IGSF21: variants seen among roughly 807,000 people sequenced by gnomAD.
The protein encoded by IGSF21 is immunoglobulin superfamily member 21.
IGSF21 carries 28 observed loss-of-function variants against 46.8 expected under a neutral mutation model. The ratio of observed to expected loss-of-function variants is 0.60; its 90% CI spans 0.44 to 0.82. The LOEUF (loss-of-function observed/expected upper bound fraction) is 0.82. Among genes scored for constraint, IGSF21 ranks in the 40% least tolerant of loss-of-function variants. The pLI is 0.00. For missense variants in IGSF21, 624 were observed against 665.5 expected (o/e 0.94, Z 0.69); for synonymous variants, 284 against 273.6 (o/e 1.04, Z -0.38).
At chr1:18,378,097 A>C (rs545174534) in intron 9 of IGSF21, among the ~76,000 whole-genome samples, 159 bp from the exon 10 acceptor site, 2 of 152,226 alleles carry the variant, frequency 1.3e-5, no homozygotes, top group South Asian at 4.1e-4. Context: ...AGGGGAGGAG[A>C]TCATGGACAG....
chr1:18,224,907 A>C (rs1024069250), intron 1 of IGSF21, among the ~76,000 whole-genome samples: 12 of 151,820 alleles, frequency 7.9e-5, no homozygotes, highest in Non-Finnish European at 1.5e-4. Flanking sequence ...TCTACTAAAA[A>C]TACAAAAATT....
At chr1:18,287,859 C>T (rs2085230669) in intron 2 of IGSF21, among the ~76,000 whole-genome samples, 1 of 152,220 alleles carries the variant, frequency 6.6e-6, no homozygotes, top group African/African-American at 2.4e-5. Context: ...GTGTGGGCTC[C>T]CTTCTTTCAT....
chr1:18,198,748 G>T (rs935964448), intron 1 of IGSF21, among the ~76,000 whole-genome samples: 1 of 152,174 alleles, frequency 6.6e-6, no homozygotes, highest in East Asian at 1.9e-4. Context: ...ACTGGGCTGG[G>T]TCATCCGATG....
At chr1:18,181,502 G>T (rs1228513164) in intron 1 of IGSF21, among the ~76,000 whole-genome samples, 1 of 152,172 alleles carries the variant, frequency 6.6e-6, no homozygotes, top group Non-Finnish European at 1.5e-5. Flanking sequence ...GCTTCTGGCA[G>T]GGAGCAGGGC....
At chr1:18,301,378 C>T (rs1316048917) in intron 3 of IGSF21, among the ~76,000 whole-genome samples, 2 of 152,334 alleles carry the variant, frequency 1.3e-5, no homozygotes, top group East Asian at 1.9e-4. Flanking sequence ...CTTGCTCTGT[C>T]GCCCAGGCTG....
chr1:18,249,261 G>A (rs1042748212), intron 2 of IGSF21, among the ~76,000 whole-genome samples: 1 of 152,158 alleles, frequency 6.6e-6, no homozygotes, highest in Non-Finnish European at 1.5e-5. Context: ...TTAGGGGAGG[G>A]TGGGAGGTGT....
At chr1:18,325,680 G>C (rs223168) in intron 3 of IGSF21, among the ~76,000 whole-genome samples, 2,960 of 152,270 alleles carry the variant, frequency 0.019, 96 homozygotes, top group African/African-American at 0.068. Context: ...GTACATCCCA[G>C]AACCCCCCTG....
At chr1:18,371,339 AG>A (rs2086221462) in intron 6 of IGSF21, among the ~76,000 whole-genome samples, 1 of 152,190 alleles carries the variant, frequency 6.6e-6, no homozygotes, top group African/African-American at 2.4e-5. Context: ...TGGGAGGCCG[AG>A]GCAGGTGGAT....
intron 1 of IGSF21, among the ~76,000 whole-genome samples, chr1:18,193,506 A>T (rs10907292): frequency 4.6e-5 from 7 of 152,024 alleles, no homozygotes; most frequent in East Asian, 1.9e-4. Flanking sequence ...GTTCCAAAAC[A>T]GAGGAACTTG....
At chr1:18,135,129 C>T (rs2086357440) in intron 1 of IGSF21, among the ~76,000 whole-genome samples, 2 of 152,184 alleles carry the variant, frequency 1.3e-5, no homozygotes, top group African/African-American at 2.4e-5. Context: ...ATCACATTGA[C>T]TGGGTGTTTC....
chr1:18,122,268 C>T (rs532458632), intron 1 of IGSF21, among the ~76,000 whole-genome samples: 68 of 137,174 alleles, frequency 5.0e-4, no homozygotes, highest in South Asian at 2.8e-3. Flanking sequence ...GGTGCAATCT[C>T]GGCTCACTGC....
intron 2 of IGSF21, among the ~76,000 whole-genome samples, chr1:18,238,736 G>A (rs531788509): frequency 6.6e-5 from 10 of 152,082 alleles, no homozygotes; most frequent in Non-Finnish European, 1.5e-4. Flanking sequence ...GAAAGACACG[G>A]CATATCTAAG....
intron 2 of IGSF21, among the ~76,000 whole-genome samples, chr1:18,265,746 G>A (rs1160400917): frequency 2.0e-5 from 3 of 152,196 alleles, no homozygotes; most frequent in African/African-American, 2.4e-5. Flanking sequence ...TCTTCACTCC[G>A]ATTTTTGGCA....
At chr1:18,192,253 T>C (rs1217541553) in intron 1 of IGSF21, among the ~76,000 whole-genome samples, 1 of 152,214 alleles carries the variant, frequency 6.6e-6, no homozygotes, top group Admixed American at 6.5e-5. Context: ...CAGTCTTGTC[T>C]AACACCTTCT....
intron 4 of IGSF21, among the ~76,000 whole-genome samples, chr1:18,360,362 C>T (rs909858931): frequency 6.6e-6 from 1 of 152,144 alleles, no homozygotes; most frequent in Non-Finnish European, 1.5e-5. Flanking sequence ...GGTTGGCTCC[C>T]TGAATGAATG....
At chr1:18,350,575 T>C (rs1260313816) in intron 4 of IGSF21, among the ~76,000 whole-genome samples, 3 of 152,166 alleles carry the variant, frequency 2.0e-5, no homozygotes, top group Middle Eastern at 3.2e-3. Context: ...ATGTTCATTG[T>C]ACAATTACTT....
chr1:18,312,234 T>C (rs1359032444), intron 3 of IGSF21, among the ~76,000 whole-genome samples: 2 of 152,200 alleles, frequency 1.3e-5, no homozygotes, highest in African/African-American at 4.8e-5. Flanking sequence ...GTTGAATGAA[T>C]GAATTAAATG....
intron 1 of IGSF21, among the ~76,000 whole-genome samples, chr1:18,132,210 T>C (rs1268480455): frequency 2.0e-5 from 3 of 151,810 alleles, no homozygotes; most frequent in African/African-American, 4.8e-5. Context: ...GATGGAATGA[T>C]AGTAAACCAA....
intron 2 of IGSF21, among the ~76,000 whole-genome samples, chr1:18,252,066 T>TC (rs2084847874): frequency 1.4e-5 from 2 of 143,530 alleles, no homozygotes; most frequent in Admixed American, 1.4e-4. Context: ...TTTTTTTTTT[T>TC]TTGAGATGGA....
Sources: gnomAD v4.1 joint callset for allele counts (sites outside exome capture counted in the v4.1 genomes callset) on GRCh38, gnomAD v4.1.1 for gene constraint, MANE v1.5 for transcripts, NCBI Gene and HGNC (gene_info 2026-07-23, HGNC 2026-07-21) for gene names.